The following EIF4G3 variants were observed in gnomAD, a reference collection of about 807,000 sequenced individuals.
The protein encoded by EIF4G3 is eIF-4-gamma 3.
EIF4G3 carries 34 observed loss-of-function variants against 186.4 expected under a neutral mutation model. The observed-to-expected ratio is 0.18, with a 90% confidence interval of 0.14 to 0.24. The LOEUF (loss-of-function observed/expected upper bound fraction) is 0.24. Among genes scored for constraint, EIF4G3 ranks in the 10% least tolerant of loss-of-function variants. EIF4G3 has a pLI of 1.00. For missense variants in EIF4G3, 1,536 were observed against 1,948.5 expected (o/e 0.79, Z 3.99); for synonymous variants, 673 against 679.5 (o/e 0.99, Z 0.15).
intron 2 of EIF4G3, among the ~76,000 whole-genome samples, chr1:21,122,632 C>T (rs1020052718): frequency 6.6e-6 from 1 of 152,114 alleles, no homozygotes; most frequent in Non-Finnish European, 1.5e-5. Context: ...ACAGGTCAAA[C>T]GAGATGTTTT....
intron 4 of EIF4G3, among the ~76,000 whole-genome samples, chr1:21,037,803 C>T (rs1193429103): frequency 6.6e-6 from 1 of 152,176 alleles, no homozygotes; most frequent in African/African-American, 2.4e-5. Flanking sequence ...TATAAAGTAT[C>T]ATTTGGGCAA....
At chr1:20,893,897 C>T (rs989843864) in intron 17 of EIF4G3, among the ~76,000 whole-genome samples, 1 of 148,282 alleles carries the variant, frequency 6.7e-6, no homozygotes, top group Non-Finnish European at 1.5e-5. Context: ...AATCAGCAGA[C>T]TGGCTCACTA....
intron 20 of EIF4G3, among the ~76,000 whole-genome samples, chr1:20,878,209 G>A (rs2081387415): frequency 6.6e-6 from 1 of 152,078 alleles, no homozygotes; most frequent in African/African-American, 2.4e-5. Context: ...CTAGAGCTGT[G>A]ACTCCAAAGC....
Position 21,122,859 on chromosome 1 carries a change from A to C in EIF4G3, c.-271-33646T>G, listed in dbSNP as rs564434170. Among the ~76,000 whole-genome samples, 7 of 152,336 alleles carry C rather than the reference A, an allele frequency of 4.6e-5. No homozygotes were observed. In the South Asian group the frequency reaches 1.2e-3, roughly 27 times the overall value. Reference sequence around the variant, plus strand: ...TTATACTAGTAATAATGCTGTTTCAAGCTATACAGATTCGGATTCAAGCAA... The same window carrying C: ...TTATACTAGTAATAATGCTGTTTCACGCTATACAGATTCGGATTCAAGCAA... On this transcript the variant is annotated intron_variant, in intron 2 of 36. Coordinates refer to ENST00000602326, the MANE Select transcript of EIF4G3 (RefSeq NM_001391906.1).
In EIF4G3 at chr1:20,989,531, T is replaced by C. The variant is rs2080507829; in HGVS notation, c.178-7123A>G. Among the ~76,000 whole-genome samples the C allele has an allele frequency of 2.6e-5, 3 of 115,024 alleles. 1 individual carries two copies. The South Asian group carries it at 9.1e-4, about 35-fold the overall frequency. The allele number at this position is 115,024 out of a possible 152,430, so 75.5% of individuals were successfully genotyped here. On this transcript the variant is annotated intron_variant, in intron 7 of 36. Transcript: ENST00000602326. ...GAGATCATGCCACTGCACTGCAGCC[T>C]GGATAACAAGAGCAAAACTCCAACT... is the stretch of plus-strand genomic sequence containing the variant.
At chr1:21,061,599 A>G (rs1162580779) in intron 3 of EIF4G3, among the ~76,000 whole-genome samples, 5 of 152,196 alleles carry the variant, frequency 3.3e-5, no homozygotes, top group African/African-American at 1.2e-4. Flanking sequence ...TTCAGATGAA[A>G]AAGTCTGAAA....
chr1:21,050,558 G>A (rs914041431), intron 4 of EIF4G3, among the ~76,000 whole-genome samples: 5 of 152,160 alleles, frequency 3.3e-5, no homozygotes, highest in East Asian at 3.8e-4. Context: ...ATTAAGCATC[G>A]AAAAGCAAAT....
chr1:21,001,518 T>C (rs2083492187), intron 5 of EIF4G3, among the ~76,000 whole-genome samples: 1 of 152,048 alleles, frequency 6.6e-6, no homozygotes, highest in Admixed American at 6.5e-5. Flanking sequence ...TCTAAATTGA[T>C]CTGGTGAGAT....
intron 2 of EIF4G3, among the ~76,000 whole-genome samples, chr1:21,157,385 TAA>T (rs1558230818): frequency 6.6e-6 from 1 of 152,170 alleles, no homozygotes; most frequent in African/African-American, 2.4e-5. Context: ...TGTTTTTTTT[TAA>T]GAGAAGATCT....
In EIF4G3 at chr1:20,996,525, C is replaced by G. The variant is rs576738340; in HGVS notation, c.177+1076G>C. Among the ~76,000 whole-genome samples, 107 of 152,236 alleles carry G rather than the reference C, an allele frequency of 7.0e-4. 1 individual carries two copies. Among genetic ancestry groups the G allele is most frequent in the African/African-American group, 2.2e-3 (93 of 41,556 alleles). ...ATTGGAAGGAATACATTTTGAAAAA[C>G]AGAGTCAGGTATTAAATCACTGGAA... On this transcript the variant is annotated intron_variant, in intron 7 of 36. Coordinates refer to ENST00000602326, the MANE Select transcript of EIF4G3 (RefSeq NM_001391906.1).
chr1:21,134,641 C>A (rs1309013572), intron 2 of EIF4G3, among the ~76,000 whole-genome samples: 1 of 152,112 alleles, frequency 6.6e-6, no homozygotes, highest in Non-Finnish European at 1.5e-5. Context: ...TGCACTCCAG[C>A]CTGGACGACC....
chr1:20,975,567 G>A (rs1323091172), intron 10 of EIF4G3, among the ~76,000 whole-genome samples: 1 of 150,804 alleles, frequency 6.6e-6, no homozygotes, highest in Non-Finnish European at 1.5e-5. Context: ...TAGCAGAGTA[G>A]AAAATCTGCC....
At chr1:20,813,131 T>C in intron 35 of EIF4G3, 27 bp downstream of exon 35, 1 of 1,479,456 alleles carries the variant, frequency 6.8e-7, no homozygotes, top group Non-Finnish European at 9.4e-7. Flanking sequence ...TCAGATGTTA[T>C]GAGCTGCCTT....
At chr1:21,026,936 CAAAAAAA>C (rs146144076) in intron 4 of EIF4G3, among the ~76,000 whole-genome samples, 1 of 88,240 alleles carries the variant, frequency 1.1e-5, no homozygotes, top group Non-Finnish European at 2.3e-5. Flanking sequence ...GACACTGTCT[CAAAAAAA>C]AAAAAAAAAA....
intron 2 of EIF4G3, among the ~76,000 whole-genome samples, chr1:21,136,908 T>C (rs2097256148): frequency 6.6e-6 from 1 of 152,204 alleles, no homozygotes; most frequent in Non-Finnish European, 1.5e-5. Context: ...GGTGTGCTGT[T>C]ACTGTAAGTG....
chr1:21,133,476 C>T (rs10799683), intron 2 of EIF4G3, among the ~76,000 whole-genome samples: 5,115 of 152,284 alleles, frequency 0.034, 292 homozygotes, highest in African/African-American at 0.11. Context: ...CCGCCCACCC[C>T]GGCCTCCCAA....
chr1:21,074,418 C>A (rs1057143594), intron 3 of EIF4G3, among the ~76,000 whole-genome samples: 4 of 151,970 alleles, frequency 2.6e-5, no homozygotes, highest in Non-Finnish European at 4.4e-5. Context: ...TATAAGAATG[C>A]CTAACATTAT....
chr1:20,953,194 C>CA (rs1167893633), intron 12 of EIF4G3, among the ~76,000 whole-genome samples: 1 of 152,090 alleles, frequency 6.6e-6, no homozygotes, highest in Non-Finnish European at 1.5e-5. Context: ...CTAAGGAAGT[C>CA]AGAGTTAAAA....
At chr1:20,834,779 C>A (rs2066266312) in intron 30 of EIF4G3, among the ~76,000 whole-genome samples, 1 of 152,154 alleles carries the variant, frequency 6.6e-6, no homozygotes, top group Non-Finnish European at 1.5e-5. Flanking sequence ...TACAATACAG[C>A]AAGAGCAGGG....
Sources: allele counts gnomAD v4.1 joint callset (sites outside exome capture counted in the v4.1 genomes callset), GRCh38; gene constraint gnomAD v4.1.1; transcripts MANE v1.5; gene names NCBI Gene and HGNC (gene_info 2026-07-23, HGNC 2026-07-21).